Variants in MAST4 observed in about 807,000 individuals in gnomAD.
The protein encoded by MAST4 is microtubule-associated serine/threonine-protein kinase 4.
In MAST4, 89 loss-of-function variants were observed where a neutral mutation model predicts 162.7. The observed-to-expected ratio is 0.55, with a 90% CI of 0.46 to 0.65. MAST4 has a LOEUF of 0.65. Ranked by LOEUF, MAST4 falls within the 30% of genes least tolerant of loss-of-function variation. MAST4 has a pLI of 0.00. For missense variants in MAST4, 3,153 were observed against 3,374.0 expected (o/e 0.93, Z 1.62); for synonymous variants, 1,479 against 1,361.1 (o/e 1.09, Z -1.91).
At position 66,844,250 on chromosome 5, in the gene MAST4, A is replaced by G. The variant is rs555551803; in HGVS notation, c.642+55456A>G. 5.4e-5 allele frequency among the ~76,000 whole-genome samples: 8 copies of G among 147,860 alleles called. No individual in the cohort carries two copies. The South Asian group carries it at 1.7e-3, about 32-fold the overall frequency. On this transcript the variant is annotated intron_variant, in intron 3 of 28. Coordinates refer to ENST00000403625, the MANE Select transcript of MAST4 (RefSeq NM_001164664.2). ...GTTTCTGCTATCCACAATTCCCCTT[A>G]CCTCCTGGGTTTTCTCAGTTATGGA...
intron 1 of MAST4, among the ~76,000 whole-genome samples, chr5:66,606,897 A>G (rs1742923718): frequency 6.6e-6 from 1 of 152,156 alleles, no homozygotes; most frequent in Non-Finnish European, 1.5e-5. Context: ...ACTCATTTAA[A>G]TATTAAATGA....
chr5:66,923,108 C>T (rs1182729977), intron 4 of MAST4, among the ~76,000 whole-genome samples: 2 of 152,184 alleles, frequency 1.3e-5, no homozygotes, highest in African/African-American at 2.4e-5. Context: ...AAAATCTGAG[C>T]GATCTATTTC....
At chr5:67,075,974 C>T (rs1761596073) in intron 5 of MAST4, among the ~76,000 whole-genome samples, 1 of 152,096 alleles carries the variant, frequency 6.6e-6, no homozygotes, top group South Asian at 2.1e-4. Context: ...CCAGGTGTAA[C>T]ATTGCCCATG....
intron 1 of MAST4, among the ~76,000 whole-genome samples, chr5:66,749,956 C>T (rs1753031522): frequency 6.6e-6 from 1 of 152,128 alleles, no homozygotes; most frequent in Non-Finnish European, 1.5e-5. Context: ...AAAGTCATTT[C>T]AGGTTGCCAA....
intron 1 of MAST4, 37 bp downstream of exon 1, chr5:66,597,055 G>A: frequency 7.2e-7 from 1 of 1,381,828 alleles, no homozygotes; most frequent in Non-Finnish European, 9.3e-7. Context: ...CTGGGTTCCG[G>A]CAGCCGGGCG....
chr5:66,631,934 GCAGT>G (rs1561225720), intron 1 of MAST4, among the ~76,000 whole-genome samples: 1 of 152,142 alleles, frequency 6.6e-6, no homozygotes, highest in East Asian at 1.9e-4. Context: ...CTGAACCTAG[GCAGT>G]CAGACTTGAG....
At chr5:66,906,540 T>G (rs1479136603) in intron 4 of MAST4, among the ~76,000 whole-genome samples, 2 of 152,214 alleles carry the variant, frequency 1.3e-5, no homozygotes, top group Admixed American at 1.3e-4. Context: ...ATTTCCATCT[T>G]AAACACATCT....
intron 3 of MAST4, among the ~76,000 whole-genome samples, chr5:66,851,867 G>A (rs1759338103): frequency 6.6e-6 from 1 of 152,034 alleles, no homozygotes; most frequent in African/African-American, 2.4e-5. Context: ...ATTTCATTGT[G>A]TTATTTATTT....
chr5:66,919,643 A>T (rs1199211800), intron 4 of MAST4, among the ~76,000 whole-genome samples: 1 of 145,426 alleles, frequency 6.9e-6, no homozygotes, highest in Non-Finnish European at 1.5e-5. Context: ...TGGGCAACAG[A>T]GCAAGACTCC....
At chr5:66,639,278 T>TTTTGTGTG (rs375120511) in intron 1 of MAST4, among the ~76,000 whole-genome samples, 25 of 138,622 alleles carry the variant, frequency 1.8e-4, no homozygotes, top group East Asian at 1.5e-3. Context: ...GAGAGGCAGC[T>TTTTGTGTG]TGTGTGTGTG....
intron 3 of MAST4, among the ~76,000 whole-genome samples, chr5:66,837,894 ATTTTTTTTTTTTTTTTT>A (rs754095073): frequency 3.2e-4 from 17 of 53,690 alleles, no homozygotes; most frequent in African/African-American, 1.6e-3. Flanking sequence ...ATATATATAT[ATTTTTTTTTTTTTTTTT>A]TTTTTTAATG....
intron 4 of MAST4, among the ~76,000 whole-genome samples, chr5:66,984,327 G>T (rs1011770734): frequency 6.6e-6 from 1 of 152,220 alleles, no homozygotes; most frequent in Admixed American, 6.5e-5. Context: ...CTAAAGAAGA[G>T]TGGTGTGGGC....
At position 66,759,754 on chromosome 5, in the gene MAST4, A is replaced by AGCAAC; in HGVS notation, c.410_414dup (p.Pro139AlafsTer13). Reference sequence around the variant, plus strand: ...TCCACCCATGCCGTTTCGGAAATGCAGCAACCCAGATGTGGCTTCTGGCCC... The same window carrying AGCAAC: ...TCCACCCATGCCGTTTCGGAAATGCAGCAACGCAACCCAGATGTGGCTTCTGGCCC... On this transcript the variant is annotated frameshift_variant, in exon 2 of 29. Coordinates refer to ENST00000403625, the MANE Select transcript of MAST4 (RefSeq NM_001164664.2). LOFTEE classifies it high-confidence loss of function. The AGCAAC allele has an allele frequency of 6.2e-7, 1 of 1,614,018 alleles. No individual in the cohort carries two copies.
intron 4 of MAST4, among the ~76,000 whole-genome samples, chr5:66,983,490 G>T (rs1749108047): frequency 6.6e-6 from 1 of 152,150 alleles, no homozygotes; most frequent in African/African-American, 2.4e-5. Context: ...CCTACCATTT[G>T]CATGACACTT....
At chr5:66,687,573 T>A (rs1409485684) in intron 1 of MAST4, among the ~76,000 whole-genome samples, 2 of 151,192 alleles carry the variant, frequency 1.3e-5, no homozygotes, top group East Asian at 3.9e-4. Flanking sequence ...TATATACACA[T>A]GTATATGTGT....
intron 3 of MAST4, among the ~76,000 whole-genome samples, chr5:66,881,324 G>A (rs903821482): frequency 6.6e-6 from 1 of 152,136 alleles, no homozygotes; most frequent in Non-Finnish European, 1.5e-5. Context: ...TAAAGAATAC[G>A]TGTAAAGATC....
intron 26 of MAST4, among the ~76,000 whole-genome samples, chr5:67,156,510 T>C (rs1288654459): frequency 6.6e-6 from 1 of 152,200 alleles, no homozygotes; most frequent in Non-Finnish European, 1.5e-5. Context: ...GGATGACTTT[T>C]CTCCAGGGTG....
At chr5:67,067,011 C>A (rs1044623729) in intron 5 of MAST4, among the ~76,000 whole-genome samples, 4 of 152,112 alleles carry the variant, frequency 2.6e-5, no homozygotes, top group Admixed American at 1.3e-4. Flanking sequence ...AACTTTGTAC[C>A]CAGTGACATC....
intron 4 of MAST4, among the ~76,000 whole-genome samples, chr5:66,985,640 A>G (rs149768338): frequency 2.7e-4 from 41 of 152,128 alleles, no homozygotes; most frequent in Non-Finnish European, 3.4e-4. Flanking sequence ...GCTGAAAGAG[A>G]CTTTGAAGTA....
Sources: gnomAD v4.1 joint callset for allele counts (sites outside exome capture counted in the v4.1 genomes callset) on GRCh38, gnomAD v4.1.1 for gene constraint, MANE v1.5 for transcripts, NCBI Gene and HGNC (gene_info 2026-07-23, HGNC 2026-07-21) for gene names.